The following KIF1C variants were observed in gnomAD, a reference collection of about 807,000 sequenced individuals.
The protein encoded by KIF1C is kinesin family member 1C.
A neutral mutation model predicts 126.5 loss-of-function variants in KIF1C; 61 were observed. The ratio of observed to expected loss-of-function variants is 0.48; its 90% CI spans 0.39 to 0.60. KIF1C has a LOEUF of 0.60. Ranked by LOEUF, KIF1C falls within the 20% of genes least tolerant of loss-of-function variation. The pLI, the probability that KIF1C is intolerant of heterozygous loss-of-function variation, is 0.00. For missense variants in KIF1C, 1,315 were observed against 1,489.2 expected (o/e 0.88, Z 1.93); for synonymous variants, 640 against 580.6 (o/e 1.10, Z -1.47).
At chr17:5,014,611 C>G (rs1974933341) in intron 17 of KIF1C, 132 bp from the exon 18 acceptor site, 1 of 704,284 alleles carries the variant, frequency 1.4e-6, no homozygotes, top group African/African-American at 1.7e-5. Flanking sequence ...TTTCACCTCC[C>G]TGAGCCTCTG....
At chr17:5,004,376 GAT>G (rs1461925642) in intron 11 of KIF1C, among the ~76,000 whole-genome samples, 189 bp from the exon 12 acceptor site, 1 of 152,154 alleles carries the variant, frequency 6.6e-6, no homozygotes, top group Admixed American at 6.5e-5. Flanking sequence ...CTGTCCTGCA[GAT>G]ATATCTCCCT....
At position 5,003,673 on chromosome 17, in the gene KIF1C, G is replaced by A. The variant is rs745461601; in HGVS notation, c.782G>A (p.Arg261Gln). The A allele has an allele frequency of 7.4e-6, 12 of 1,613,498 alleles. No homozygotes were observed. The highest frequency in any genetic ancestry group is 4.5e-5 in the East Asian group (2 of 44,866). ...GSERADSSGA[R>Q]GMRLKEGANI... The stretch of plus-strand genomic sequence containing the variant: ...GAGCGAGCCGACTCCTCAGGGGCCC[G>A]GGGCATGCGCCTGAAGGTGAGGGGC... Residue 261 changes from arginine (R) to glutamine (Q), a missense_variant, in exon 9 of 23, where the codon CGG becomes CAG. By Grantham distance (43) the Arg-to-Gln change is conservative. Coordinates refer to ENST00000320785, the MANE Select transcript of KIF1C (RefSeq NM_006612.6).
chr17:5,023,100 C>T lies in KIF1C; in HGVS notation c.2629-368C>T, dbSNP rs1469382790. On this transcript the variant is annotated intron_variant, in intron 22 of 22. Transcript: ENST00000320785. This position sits in a 1 kb window ranked among gnomAD's most constrained non-coding sequence, Gnocchi z 4.2. ...CACAATCTCGGCTCACTGCAACTTCCGCCTCCCAGGTTCAAGCCATTCTCC... is the reference window on the plus strand; with the variant it reads ...CACAATCTCGGCTCACTGCAACTTCTGCCTCCCAGGTTCAAGCCATTCTCC... 3.9e-5 allele frequency among the ~76,000 whole-genome samples: 6 copies of T among 152,256 alleles called. No homozygotes were observed. The highest frequency in any genetic ancestry group is 3.9e-4 in the East Asian group (2 of 5,190).
At chr17:5,018,979 C>T (rs1372454415) in intron 18 of KIF1C, among the ~76,000 whole-genome samples, 1 of 152,084 alleles carries the variant, frequency 6.6e-6, no homozygotes, top group Non-Finnish European at 1.5e-5. Context: ...GCACCCGCAT[C>T]CCGTCCTGCT....
At chr17:4,999,399 T>A (rs963143754) in intron 1 of KIF1C, among the ~76,000 whole-genome samples, 1 of 152,142 alleles carries the variant, frequency 6.6e-6, no homozygotes, top group African/African-American at 2.4e-5. Context: ...GGCGCCGGAG[T>A]TCCCCACCCT....
At position 5,005,011 on chromosome 17, in the gene KIF1C, C is replaced by G; in HGVS notation, c.1165+11C>G. On this transcript the variant is annotated intron_variant, in intron 13 of 22. Coordinates refer to ENST00000320785, the MANE Select transcript of KIF1C (RefSeq NM_006612.6). ...CCTCTGCTCTGGAAGGTCGAGGTTC[C>G]AGGGAGGGGCAGCTCAGGGATGCCC... The G allele has an allele frequency of 6.2e-7, 1 of 1,614,098 alleles. No homozygotes were observed. Among genetic ancestry groups the G allele is most frequent in the South Asian group, 1.1e-5 (1 of 91,088 alleles).
At chr17:5,015,875 C>T (rs970492247) in intron 18 of KIF1C, among the ~76,000 whole-genome samples, 5 of 152,024 alleles carry the variant, frequency 3.3e-5, no homozygotes, top group Non-Finnish European at 7.3e-5. Context: ...GGATTACAGG[C>T]GTGAGCCACT....
intron 11 of KIF1C, 83 bp from the exon 12 acceptor site, chr17:5,004,484 C>A: frequency 7.9e-7 from 1 of 1,258,992 alleles, no homozygotes. Context: ...TCTGCCTGGG[C>A]AGTGGGCCCC....
At chr17:5,013,533 G>C in intron 16 of KIF1C, 120 bp from the exon 17 acceptor site, 1 of 706,058 alleles carries the variant, frequency 1.4e-6, no homozygotes, top group Non-Finnish European at 2.5e-6. Flanking sequence ...GCTCTCCAGA[G>C]TGAGGGGGCG....
chr17:5,024,942 C>A lies in KIF1C; in HGVS notation c.*791C>A, dbSNP rs542918267. On this transcript the variant is annotated 3_prime_UTR_variant, in exon 23 of 23. Transcript: ENST00000320785. Reference sequence around the variant, plus strand: ...TTTTTTTTTGGGAGACAGGGTCTTGCTTTGTTGCCCAGGCTGGAGGTACAG... The same window carrying A: ...TTTTTTTTTGGGAGACAGGGTCTTGATTTGTTGCCCAGGCTGGAGGTACAG... The A allele has an allele frequency of 6.6e-6, 1 of 151,874 alleles. No homozygotes were observed. Among genetic ancestry groups the A allele is most frequent in the South Asian group, 2.1e-4 (1 of 4,820 alleles). 9.4% of individuals were successfully genotyped at this position (151,874 alleles called of 1,614,324 possible).
chr17:5,026,686 G>A lies in KIF1C; in HGVS notation c.*2535G>A, dbSNP rs1427422647. The A allele has an allele frequency of 6.6e-6, 1 of 150,654 alleles. No individual in the cohort carries two copies. Among genetic ancestry groups the A allele is most frequent in the African/African-American group, 2.5e-5 (1 of 40,682 alleles). The allele number at this position is 150,654 out of a possible 1,614,324, so 9.3% of individuals were successfully genotyped here. A position where few individuals can be genotyped will look rare whatever the true frequency, so the allele number is the denominator to read the frequency against. ...CTGAGCCCATGGAGATTGAGGCTGT[G>A]GTGAGCTGTGAAGGCACCACAGCAC... On this transcript the variant is annotated 3_prime_UTR_variant, in exon 23 of 23. Coordinates refer to ENST00000320785, the MANE Select transcript of KIF1C (RefSeq NM_006612.6).
intron 8 of KIF1C, 116 bp from the exon 9 acceptor site, chr17:5,003,496 C>A: frequency 1.5e-6 from 1 of 674,272 alleles, no homozygotes; most frequent in South Asian, 1.9e-5. Flanking sequence ...CCCTCGCCTC[C>A]TCCTGGCTCT....
At position 4,999,885 on chromosome 17, in the gene KIF1C, C is replaced by T; in HGVS notation, c.-113C>T. On this transcript the variant is annotated 5_prime_UTR_variant, in exon 2 of 23. Transcript: ENST00000320785. ...AGAGCCCCAGCTGGTGTGGCCAGGC[C>T]CCAGGAGTAGGATGGGGCTCCCCCT... 1 of 250,252 alleles carries T rather than the reference C, an allele frequency of 4.0e-6. No individual in the cohort carries two copies. Among genetic ancestry groups the T allele is most frequent in the South Asian group, 5.7e-5 (1 of 17,568 alleles). 15.5% of individuals were successfully genotyped at this position (250,252 alleles called of 1,614,324 possible). A position where few individuals can be genotyped will look rare whatever the true frequency, so the allele number is the denominator to read the frequency against.
intron 16 of KIF1C, among the ~76,000 whole-genome samples, chr17:5,008,335 C>G (rs1567723306): frequency 6.6e-6 from 1 of 152,110 alleles, no homozygotes; most frequent in Non-Finnish European, 1.5e-5. Flanking sequence ...TGTACCGGTG[C>G]ATACCAGTGA....
At chr17:5,016,056 G>A (rs1469010863) in intron 18 of KIF1C, among the ~76,000 whole-genome samples, 3 of 152,012 alleles carry the variant, frequency 2.0e-5, no homozygotes, top group Non-Finnish European at 2.9e-5. Context: ...TGGACCTGGT[G>A]TGTGTGTTGT....
At chr17:5,021,526 C>T (rs1975090925) in intron 21 of KIF1C, among the ~76,000 whole-genome samples, 1 of 151,876 alleles carries the variant, frequency 6.6e-6, no homozygotes, top group African/African-American at 2.4e-5. Flanking sequence ...GTCACCCTGG[C>T]TGGAGTGCAG....
Position 5,001,266 on chromosome 17 carries a change from C to T in KIF1C, c.228C>T (p.Asp76=). ...CATCTCAGCAGCAAGTGTATCGGGA[C>T]ATTGGAGAAGAGATGCTGCTCCACG... is the stretch of plus-strand genomic sequence containing the variant. ...QFASQQQVYR[D]IGEEMLLHAF... is the part of the protein sequence containing the mutation. The change falls in exon 5 of 23, where the codon GAC becomes GAT. Residue 76 remains aspartate (D), a synonymous_variant. Transcript: ENST00000320785. The T allele has an allele frequency of 1.2e-6, 2 of 1,614,150 alleles. No individual in the cohort carries two copies. The highest frequency in any genetic ancestry group is 1.7e-6 in the Non-Finnish European group (2 of 1,179,994).
intron 4 of KIF1C, 134 bp downstream of exon 4, chr17:5,000,982 G>T (rs1169573499): frequency 2.0e-6 from 2 of 1,008,066 alleles, no homozygotes; most frequent in Non-Finnish European, 3.0e-6. Context: ...CTGGGTGGGG[G>T]TGGTAGGACC....
chr17:5,011,896 C>G (rs1475615720), intron 16 of KIF1C: 1 of 152,306 alleles, frequency 6.6e-6, no homozygotes, highest in Non-Finnish European at 1.5e-5. Flanking sequence ...TCCTTGTCCT[C>G]AAAGGCTGGC....
Sources: gnomAD v4.1 joint callset for allele counts (sites outside exome capture counted in the v4.1 genomes callset) on GRCh38, gnomAD v4.1.1 for gene constraint, Gnocchi (gnomAD v3.1) non-coding constraint, MANE v1.5 for transcripts, NCBI Gene and HGNC (gene_info 2026-07-23, HGNC 2026-07-21) for gene names.